DNAJC10: variants seen among roughly 807,000 people sequenced by gnomAD.
DNAJC10 encodes DnaJ heat shock protein family (Hsp40) member C10.
A neutral mutation model predicts 115.0 loss-of-function variants in DNAJC10; 101 were observed. The ratio of observed to expected loss-of-function variants is 0.88; its 90% CI spans 0.75 to 1.04. DNAJC10 has a LOEUF of 1.04. Among genes scored for constraint, DNAJC10 ranks in the 50% least tolerant of loss-of-function variants. DNAJC10 has a pLI of 0.00. For synonymous variants in DNAJC10, 307 were observed against 301.5 expected (o/e 1.02, Z -0.19); for missense variants, 981 against 928.8 (o/e 1.06, Z -0.73).
At chr2:182,761,966 A>T (rs895637859) in intron 21 of DNAJC10, among the ~76,000 whole-genome samples, 1 of 152,106 alleles carries the variant, frequency 6.6e-6, no homozygotes, top group African/African-American at 2.4e-5. Flanking sequence ...AATGCTAAAA[A>T]AGAAAGAAAG....
At chr2:182,752,962 A>G (rs1479926001) in intron 16 of DNAJC10, among the ~76,000 whole-genome samples, 1 of 152,222 alleles carries the variant, frequency 6.6e-6, no homozygotes, top group Non-Finnish European at 1.5e-5. Context: ...AGTTTAAACA[A>G]ACCAAGTGCA....
At position 182,731,037 on chromosome 2, in the gene DNAJC10, T is replaced by C. The variant is rs758869122; in HGVS notation, c.735T>C (p.Phe245=). 10 of 1,609,086 alleles carry C rather than the reference T, an allele frequency of 6.2e-6. No homozygotes were observed. The South Asian group carries it at 1.0e-4, about 16-fold the overall frequency. Residue 245 remains phenylalanine (F), a synonymous_variant, in exon 9 of 24, where the codon TTT becomes TTC. Transcript: ENST00000264065. Reference sequence around the variant, plus strand: ...TTTTCTTTTATTTTTAAGGAAATTTTGTCAACTCCATACAAACTGCTTTTG... The same window carrying C: ...TTTTCTTTTATTTTTAAGGAAATTTCGTCAACTCCATACAAACTGCTTTTG... ...STVTELWTGN[F]VNSIQTAFAA...
At chr2:182,726,373 A>T (rs943826478) in intron 5 of DNAJC10, among the ~76,000 whole-genome samples, 1 of 152,170 alleles carries the variant, frequency 6.6e-6, no homozygotes, top group Non-Finnish European at 1.5e-5. Context: ...ATTTCCTGAG[A>T]TGGAACCTAC....
chr2:182,772,531 A>G (rs1403517738), intron 22 of DNAJC10, among the ~76,000 whole-genome samples: 1 of 152,194 alleles, frequency 6.6e-6, no homozygotes, highest in African/African-American at 2.4e-5. Context: ...TAGGATCGTT[A>G]GCTCTTCTTG....
intron 13 of DNAJC10, 92 bp from the exon 14 acceptor site, chr2:182,743,503 CATT>C: frequency 1.2e-6 from 1 of 828,104 alleles, no homozygotes; most frequent in South Asian, 1.5e-5. Flanking sequence ...AAAACTGTGT[CATT>C]AGGGCAGTGC....
chr2:182,718,385 T>TA (rs368924299), intron 3 of DNAJC10, 95 bp downstream of exon 3: 1 of 992,286 alleles, frequency 1.0e-6, no homozygotes, highest in South Asian at 2.0e-5. Context: ...TGCTTAAGAA[T>TA]AATCATATGT....
At chr2:182,722,424 T>C (rs915929606) in intron 5 of DNAJC10, among the ~76,000 whole-genome samples, 2 of 152,182 alleles carry the variant, frequency 1.3e-5, no homozygotes, top group Non-Finnish European at 2.9e-5. Context: ...ATTTTGGAAG[T>C]AGATTTAATT....
intron 22 of DNAJC10, among the ~76,000 whole-genome samples, chr2:182,773,445 CCCCAT>C (rs1694619648): frequency 6.6e-6 from 1 of 152,146 alleles, no homozygotes; most frequent in Admixed American, 6.5e-5. Context: ...GTTCCATTCT[CCCCAT>C]CACTTTCAAG....
At chr2:182,730,992 A>G in intron 8 of DNAJC10, 38 bp from the exon 9 acceptor site, 1 of 1,390,372 alleles carries the variant, frequency 7.2e-7, no homozygotes, top group Non-Finnish European at 1.0e-6. Context: ...AAGGAGTAAT[A>G]GGTGATCAGA....
chr2:182,789,042 A>G lies in DNAJC10; in HGVS notation c.*11910A>G, dbSNP rs1392351944. 3.7e-6 allele frequency: 1 copy of G among 268,896 alleles called. No individual in the cohort carries two copies. Among genetic ancestry groups the G allele is most frequent in the South Asian group, 3.7e-5 (1 of 26,706 alleles). The allele number at this position is 268,896 out of a possible 1,614,324, so 16.7% of individuals were successfully genotyped here. On this transcript the variant is annotated 3_prime_UTR_variant, in exon 24 of 24. Transcript: ENST00000264065. ...CTTGCAAAACTGAAATTTTATATCCATAAAGCAAAACCTTTTTATTTACCA... is the reference window on the plus strand; with the variant it reads ...CTTGCAAAACTGAAATTTTATATCCGTAAAGCAAAACCTTTTTATTTACCA...
chr2:182,743,391 T>A (rs553049348), intron 13 of DNAJC10, among the ~76,000 whole-genome samples: 5 of 152,300 alleles, frequency 3.3e-5, no homozygotes, highest in South Asian at 2.1e-4. Flanking sequence ...AGGTTTTTTT[T>A]AACTCTCTAG....
chr2:182,727,198 A>T (rs1297536460), intron 5 of DNAJC10, among the ~76,000 whole-genome samples: 1 of 149,806 alleles, frequency 6.7e-6, no homozygotes, highest in Non-Finnish European at 1.5e-5. Context: ...AAACAAACCC[A>T]CAATATCTGA....
Position 182,751,895 on chromosome 2 carries a change from C to T in DNAJC10, c.1434+110C>T. The T allele has an allele frequency of 3.6e-6, 5 of 1,382,000 alleles. No individual in the cohort carries two copies. The South Asian group carries it at 5.4e-5, about 15-fold the overall frequency. The allele number at this position is 1,382,000 out of a possible 1,614,324, so 85.6% of individuals were successfully genotyped here. ...TCATTAGTACAAAAACTGTGTCATT[C>T]CATTATGGCCACTAATGCATATTGC... On this transcript the variant is annotated intron_variant, in intron 15 of 23. Transcript: ENST00000264065.
At chr2:182,759,441 C>T (rs1394436720) in intron 21 of DNAJC10, 134 bp downstream of exon 21, 3 of 812,926 alleles carry the variant, frequency 3.7e-6, no homozygotes, top group East Asian at 2.9e-5. Flanking sequence ...TATTATATTT[C>T]TATGACTGTA....
At chr2:182,745,313 C>G (rs937542511) in intron 14 of DNAJC10, among the ~76,000 whole-genome samples, 3 of 152,212 alleles carry the variant, frequency 2.0e-5, no homozygotes, top group Admixed American at 6.5e-5. Context: ...AGTCTTAGCT[C>G]CAGCTACCTT....
intron 10 of DNAJC10, 42 bp from the exon 11 acceptor site, chr2:182,736,207 C>T (rs1035533620): frequency 6.6e-7 from 1 of 1,523,670 alleles, no homozygotes; most frequent in Admixed American, 2.6e-5. Context: ...TAACTTTTTG[C>T]CTCCCATTTA....
At chr2:182,743,932 G>T (rs1406914186) in intron 14 of DNAJC10, among the ~76,000 whole-genome samples, 1 of 152,092 alleles carries the variant, frequency 6.6e-6, no homozygotes, top group African/African-American at 2.4e-5. Context: ...ATTTTGATCA[G>T]GATTTCTGGT....
At chr2:182,772,762 C>G (rs288287) in intron 22 of DNAJC10, among the ~76,000 whole-genome samples, 98,583 of 151,996 alleles carry the variant, frequency 0.65, 32,355 homozygotes, top group Middle Eastern at 0.73. Flanking sequence ...CTCCTGAATA[C>G]AGCACACTGA....
chr2:182,739,163 G>GAGATAT (rs539929937), intron 11 of DNAJC10, among the ~76,000 whole-genome samples: 1 of 137,136 alleles, frequency 7.3e-6, no homozygotes, highest in African/African-American at 3.0e-5. Flanking sequence ...GAATGTTTAT[G>GAGATAT]ATATATATAT....
Sources: gnomAD v4.1 joint callset for allele counts (sites outside exome capture counted in the v4.1 genomes callset) on GRCh38, gnomAD v4.1.1 for gene constraint, MANE v1.5 for transcripts, NCBI Gene and HGNC (gene_info 2026-07-23, HGNC 2026-07-21) for gene names.